The following ASPSCR1 variants were observed in gnomAD, a reference collection of about 807,000 sequenced individuals.
The protein encoded by ASPSCR1 is tether containing UBX domain for GLUT4.
Under a neutral mutation model 68.9 loss-of-function variants are expected in ASPSCR1, and 55 were observed. That is an observed-to-expected ratio of 0.80 (90% CI 0.64 to 1.00). ASPSCR1 has a LOEUF of 1.00. ASPSCR1 is among the 50% of genes least tolerant of loss of function. The pLI, the probability that ASPSCR1 is intolerant of heterozygous loss-of-function variation, is 0.00. For missense variants in ASPSCR1, 765 were observed against 762.2 expected, an observed-to-expected ratio of 1.00 and a Z score of -0.04; for synonymous variants, 352 against 332.6, an observed-to-expected ratio of 1.06 and a Z score of -0.63.
intron 3 of ASPSCR1, among the ~76,000 whole-genome samples, chr17:81,984,110 C>A (rs924042033): frequency 6.6e-5 from 10 of 152,096 alleles, no homozygotes; most frequent in African/African-American, 2.4e-4. Context: ...CTCGGCCTCC[C>A]AAAGTCCTCC....
intron 10 of ASPSCR1, 60 bp from the exon 11 acceptor site, chr17:82,011,483 G>T: frequency 6.7e-7 from 1 of 1,498,176 alleles, no homozygotes; most frequent in Non-Finnish European, 9.0e-7. Flanking sequence ...CCAGGTGCTG[G>T]GGCAGCCCGG....
intron 7 of ASPSCR1, among the ~76,000 whole-genome samples, chr17:82,002,198 GA>G (rs2042560693): frequency 1.3e-5 from 2 of 150,854 alleles, no homozygotes; most frequent in African/African-American, 4.9e-5. Context: ...ATTAAAAAGT[GA>G]TTTTTTTTTC....
chr17:81,983,501 C>CGGGGCGTGGATGGA lies in ASPSCR1; in HGVS notation c.159-53_159-52insGGGGCGTGGATGGA. On this transcript the variant is annotated intron_variant, in intron 2 of 15. Coordinates refer to ENST00000306739, the MANE Select transcript of ASPSCR1 (RefSeq NM_024083.4). The surrounding 1 kb of genome is among the most constrained non-coding windows in gnomAD (Gnocchi z 4.4). ...GACGGGGATGGCGGGGCGTGGATGG[C>CGGGGCGTGGATGGA]AGGGCGTGTCAGGCTCTGCAGGGCA... 1 of 1,440,312 alleles carries CGGGGCGTGGATGGA rather than the reference C, an allele frequency of 6.9e-7. No individual in the cohort carries two copies. 89.2% of individuals were successfully genotyped at this position (1,440,312 alleles called of 1,614,324 possible). A position where few individuals can be genotyped will look rare whatever the true frequency, so the allele number is the denominator to read the frequency against.
chr17:82,010,033 C>A, intron 9 of ASPSCR1: 2 of 340,210 alleles, frequency 5.9e-6, no homozygotes, highest in Admixed American at 4.3e-5. Context: ...CCTCAGCCTC[C>A]CAAGTAGCTG....
chr17:82,010,485 T>C lies in ASPSCR1; in HGVS notation c.1171-317T>C, dbSNP rs535096879. The stretch of plus-strand genomic sequence containing the variant: ...TGGAGCTTACAGTGAGCCGAGATCA[T>C]GCCACTGCACTCCAGCCTGGGCGAC... On this transcript the variant is annotated intron_variant, in intron 9 of 15. Coordinates refer to ENST00000306739, the MANE Select transcript of ASPSCR1 (RefSeq NM_024083.4). Among the ~76,000 whole-genome samples the C allele has an allele frequency of 5.5e-3, 789 of 142,794 alleles. 2 individuals carry two copies. Among genetic ancestry groups the C allele is most frequent in the Middle Eastern group, 7.2e-3 (2 of 276 alleles). The allele number at this position is 142,794 out of a possible 152,430, so 93.7% of individuals were successfully genotyped here.
At chr17:81,978,986 G>A (rs984322024) in intron 1 of ASPSCR1, among the ~76,000 whole-genome samples, 198 bp from the exon 2 acceptor site, 1 of 152,214 alleles carries the variant, frequency 6.6e-6, no homozygotes, top group South Asian at 2.1e-4. Flanking sequence ...GTGAAGAAGG[G>A]AGGGAGAGTG....
chr17:81,995,788 AG>A (rs1203167101), intron 5 of ASPSCR1, among the ~76,000 whole-genome samples: 1 of 152,246 alleles, frequency 6.6e-6, no homozygotes, highest in Non-Finnish European at 1.5e-5. Flanking sequence ...CATGGGCAGC[AG>A]GTCCTGCCCC....
At chr17:82,001,297 C>T (rs1046025781) in intron 7 of ASPSCR1, among the ~76,000 whole-genome samples, 2 of 152,264 alleles carry the variant, frequency 1.3e-5, no homozygotes, top group Middle Eastern at 3.4e-3. Context: ...TGGACCCTGA[C>T]GCCGGGCTAG....
chr17:81,995,885 G>T (rs2042318734), intron 5 of ASPSCR1, 107 bp from the exon 6 acceptor site: 1 of 1,070,924 alleles, frequency 9.3e-7, no homozygotes, highest in Admixed American at 2.0e-5. Context: ...ATGGAGGCCA[G>T]AGAGGGCACG....
At chr17:81,991,530 A>G (rs1468602822) in intron 4 of ASPSCR1, among the ~76,000 whole-genome samples, 1 of 152,102 alleles carries the variant, frequency 6.6e-6, no homozygotes, top group Non-Finnish European at 1.5e-5. Flanking sequence ...GGGCCAGCTC[A>G]GAGCTCTGCG....
chr17:81,994,596 C>T (rs1200115195), intron 4 of ASPSCR1, among the ~76,000 whole-genome samples: 3 of 152,224 alleles, frequency 2.0e-5, no homozygotes, highest in Non-Finnish European at 4.4e-5. Context: ...CACCACAGGC[C>T]AGGGTCCTTG....
In ASPSCR1 at chr17:82,011,530, T is replaced by A. The variant is rs763059544; in HGVS notation, c.1238-13T>A. On this transcript the variant is annotated splice_polypyrimidine_tract_variant and intron_variant, in intron 10 of 15. Coordinates refer to ENST00000306739, the MANE Select transcript of ASPSCR1 (RefSeq NM_024083.4). The stretch of plus-strand genomic sequence containing the variant: ...TGGAAGAGCTGTCTGTATGTTCTTT[T>A]TCTCCTCTGCAGTGGGGGACTTGCG... The A allele has an allele frequency of 6.3e-7, 1 of 1,576,494 alleles. No individual in the cohort carries two copies. Among genetic ancestry groups the A allele is most frequent in the Non-Finnish European group, 8.6e-7 (1 of 1,167,106 alleles).
chr17:82,003,587 G>T (rs1271902929), intron 7 of ASPSCR1, among the ~76,000 whole-genome samples: 2 of 152,262 alleles, frequency 1.3e-5, no homozygotes, highest in Non-Finnish European at 2.9e-5. Context: ...CTCTGGGTGG[G>T]ATTCGAGGCC....
chr17:81,995,151 G>C (rs1035458931), intron 5 of ASPSCR1: 1 of 502,196 alleles, frequency 2.0e-6, no homozygotes, highest in East Asian at 3.4e-5. Flanking sequence ...TGCTTTGCTC[G>C]GTGTTTTGAT....
At chr17:81,997,529 C>G (rs1295326745) in intron 7 of ASPSCR1, among the ~76,000 whole-genome samples, 4 of 148,392 alleles carry the variant, frequency 2.7e-5, no homozygotes, top group Admixed American at 2.0e-4. Context: ...CACTGTGTCC[C>G]TAGGTGGGCG....
At chr17:81,997,451 C>T (rs150806011) in intron 7 of ASPSCR1, among the ~76,000 whole-genome samples, 1 of 146,430 alleles carries the variant, frequency 6.8e-6, no homozygotes, top group Non-Finnish European at 1.5e-5. Context: ...TGGGCTTGTT[C>T]TTAGCTTCTC....
rs1394947530 is a variant in ASPSCR1, at chr17:81,996,180, T to C, written c.506+115T>C. 32 of 1,345,086 alleles carry C rather than the reference T, an allele frequency of 2.4e-5. No homozygotes were observed. In the East Asian group the frequency reaches 8.1e-4, roughly 34 times the overall value. 83.3% of individuals were successfully genotyped at this position (1,345,086 alleles called of 1,614,324 possible). On this transcript the variant is annotated intron_variant, in intron 6 of 15. Coordinates refer to ENST00000306739, the MANE Select transcript of ASPSCR1 (RefSeq NM_024083.4). ...GGGAGTAGGTGTACCCAGGCCCTCA[T>C]CATGGAGAGCGCCTGGTGGCCTCTG...
intron 4 of ASPSCR1, 85 bp downstream of exon 4, chr17:81,985,692 C>T: frequency 1.5e-6 from 2 of 1,350,496 alleles, no homozygotes; most frequent in South Asian, 1.2e-5. Flanking sequence ...CAGAGCTGGA[C>T]ACCCAAGCTC....
At chr17:81,997,920 G>A (rs190009067) in intron 7 of ASPSCR1, among the ~76,000 whole-genome samples, 2 of 143,318 alleles carry the variant, frequency 1.4e-5, no homozygotes, top group African/African-American at 2.6e-5. Context: ...TCCACCTCCC[G>A]GGTTCAAGCG....
Sources: allele counts gnomAD v4.1 joint callset (sites outside exome capture counted in the v4.1 genomes callset), GRCh38; gene constraint gnomAD v4.1.1; non-coding constraint Gnocchi (gnomAD v3.1); transcripts MANE v1.5; gene names NCBI Gene and HGNC (gene_info 2026-07-23, HGNC 2026-07-21).